The following ERC2 variants were observed in gnomAD, a reference collection of about 807,000 sequenced individuals.
ERC2 encodes the protein ELKS/RAB6-interacting/CAST family member 2, also known as ERC protein 2.
In ERC2, 42 loss-of-function variants were observed where a neutral mutation model predicts 114.8. That is an observed-to-expected ratio of 0.37 (90% CI 0.29 to 0.47). The LOEUF is 0.47. ERC2 is among the 20% of genes least tolerant of loss of function. The pLI is 0.99. For missense variants in ERC2, 939 were observed against 1,150.7 expected (o/e 0.82, Z 2.66); for synonymous variants, 454 against 425.5 (o/e 1.07, Z -0.82).
intron 3 of ERC2, among the ~76,000 whole-genome samples, chr3:56,272,692 C>G (rs1235709085): frequency 3.3e-5 from 5 of 152,204 alleles, no homozygotes; most frequent in African/African-American, 1.2e-4. Context: ...ATCGCTTGAA[C>G]CCAGGAGCTG....
chr3:56,075,268 C>G (rs1007996705), intron 7 of ERC2, among the ~76,000 whole-genome samples: 3 of 152,132 alleles, frequency 2.0e-5, no homozygotes, highest in Non-Finnish European at 4.4e-5. Context: ...GTTTGGAGCT[C>G]TGTCCCAGGA....
intron 14 of ERC2, among the ~76,000 whole-genome samples, chr3:55,812,250 C>T (rs1179079698): frequency 6.6e-6 from 1 of 152,192 alleles, no homozygotes; most frequent in Non-Finnish European, 1.5e-5. Context: ...AAGGTACCTT[C>T]TCCCATAGAG....
intron 3 of ERC2, among the ~76,000 whole-genome samples, chr3:56,264,825 CAA>C (rs34795999): frequency 1.4e-5 from 2 of 140,192 alleles, no homozygotes; most frequent in East Asian, 2.1e-4. Context: ...ATGACCTATC[CAA>C]AAAAAAAAAA....
chr3:56,439,904 T>A (rs1331090666), intron 1 of ERC2, among the ~76,000 whole-genome samples: 1 of 152,200 alleles, frequency 6.6e-6, no homozygotes, highest in African/African-American at 2.4e-5. Flanking sequence ...TATTTTGAAA[T>A]TTTTCTATCC....
intron 17 of ERC2, among the ~76,000 whole-genome samples, chr3:55,526,289 T>C (rs2053314030): frequency 6.6e-6 from 1 of 152,208 alleles, no homozygotes; most frequent in Non-Finnish European, 1.5e-5. Flanking sequence ...TCTGTTGTTT[T>C]AAGCCAACCA....
chr3:55,610,210 A>G (rs779130947), intron 17 of ERC2, among the ~76,000 whole-genome samples: 1 of 152,078 alleles, frequency 6.6e-6, no homozygotes, highest in Non-Finnish European at 1.5e-5. Context: ...TAGATGACCC[A>G]TTAGCACCCC....
At chr3:56,102,559 T>C (rs997305966) in intron 6 of ERC2, among the ~76,000 whole-genome samples, 25 of 152,302 alleles carry the variant, frequency 1.6e-4, no homozygotes, top group African/African-American at 6.0e-4. Context: ...ATCATTCCAT[T>C]TGAAAGACAG....
chr3:56,233,209 T>C (rs986215913), intron 3 of ERC2, among the ~76,000 whole-genome samples: 11 of 152,250 alleles, frequency 7.2e-5, no homozygotes, highest in African/African-American at 2.7e-4. Context: ...ATTTCTGTCA[T>C]GGAAAATAAA....
chr3:56,361,292 G>A (rs979233392), intron 2 of ERC2, among the ~76,000 whole-genome samples: 2 of 152,122 alleles, frequency 1.3e-5, no homozygotes, highest in Non-Finnish European at 2.9e-5. Flanking sequence ...GGGAGACAAG[G>A]ACGTCCAAGT....
At chr3:55,826,066 T>C (rs1413207918) in intron 14 of ERC2, among the ~76,000 whole-genome samples, 1 of 151,824 alleles carries the variant, frequency 6.6e-6, no homozygotes, top group African/African-American at 2.4e-5. Flanking sequence ...AGGGAGGACA[T>C]ATTGCTACAA....
chr3:56,329,360 G>T (rs533152907), intron 2 of ERC2, among the ~76,000 whole-genome samples: 1 of 152,266 alleles, frequency 6.6e-6, no homozygotes, highest in South Asian at 2.1e-4. Flanking sequence ...CTCCAGGGGA[G>T]CCTGGAGAGC....
chr3:56,168,094 G>A (rs1383277166), intron 4 of ERC2, among the ~76,000 whole-genome samples: 1 of 152,196 alleles, frequency 6.6e-6, no homozygotes, highest in Non-Finnish European at 1.5e-5. Context: ...AAGAGTGCAA[G>A]AGCTTTGAGG....
At chr3:56,398,083 C>T (rs1466682991) in intron 2 of ERC2, among the ~76,000 whole-genome samples, 5 of 152,166 alleles carry the variant, frequency 3.3e-5, no homozygotes, top group Non-Finnish European at 5.9e-5. Flanking sequence ...CAGCTATGTG[C>T]CCACCATAAA....
chr3:55,877,319 A>T (rs2062900210), intron 14 of ERC2, among the ~76,000 whole-genome samples: 1 of 152,070 alleles, frequency 6.6e-6, no homozygotes, highest in Admixed American at 6.5e-5. Flanking sequence ...GGCCTCAGAG[A>T]ATCACTGAAT....
intron 3 of ERC2, among the ~76,000 whole-genome samples, chr3:56,232,176 C>T (rs1383370569): frequency 6.7e-6 from 1 of 149,252 alleles, no homozygotes; most frequent in African/African-American, 2.5e-5. Context: ...TCTCTGTTTC[C>T]CAGGCTAGTC....
intron 6 of ERC2, among the ~76,000 whole-genome samples, chr3:56,089,074 T>C (rs1310922488): frequency 3.3e-5 from 5 of 152,150 alleles, no homozygotes; most frequent in Non-Finnish European, 5.9e-5. Context: ...ATACACTCTA[T>C]GGTATGTGTG....
At chr3:55,842,559 CT>C (rs1426918896) in intron 14 of ERC2, among the ~76,000 whole-genome samples, 1 of 152,106 alleles carries the variant, frequency 6.6e-6, no homozygotes, top group African/African-American at 2.4e-5. Context: ...ATTTCCCTGT[CT>C]AACACATACT....
At chr3:56,287,297 A>C (rs2054785919) in intron 3 of ERC2, among the ~76,000 whole-genome samples, 1 of 152,230 alleles carries the variant, frequency 6.6e-6, no homozygotes, top group African/African-American at 2.4e-5. Flanking sequence ...TGGCAGTGAG[A>C]TATTCAAGAA....
intron 14 of ERC2, among the ~76,000 whole-genome samples, chr3:55,821,851 A>G (rs1296969951): frequency 6.6e-6 from 1 of 152,268 alleles, no homozygotes; most frequent in East Asian, 1.9e-4. Context: ...GTAGATTACC[A>G]TAGGCTGGGG....
Sources: gnomAD v4.1 joint callset for allele counts (sites outside exome capture counted in the v4.1 genomes callset) on GRCh38, gnomAD v4.1.1 for gene constraint, MANE v1.5 for transcripts, NCBI Gene and HGNC (gene_info 2026-07-23, HGNC 2026-07-21) for gene names.